The following LEPROT variants were observed in gnomAD, a reference collection of about 807,000 sequenced individuals.
LEPROT encodes leptin receptor gene-related protein.
A neutral mutation model predicts 15.4 loss-of-function variants in LEPROT; 3 were observed. The observed-to-expected ratio is 0.19, with a 90% CI of 0.09 to 0.50. LEPROT has a LOEUF of 0.50. Among genes scored for constraint, LEPROT ranks in the 20% least tolerant of loss-of-function variants. The pLI is 0.97. For synonymous variants in LEPROT, 59 were observed against 57.5 expected (o/e 1.03, Z -0.12); for missense variants, 137 against 162.2 (o/e 0.84, Z 0.84).
Position 65,435,264 on chromosome 1 carries a change from T to C in LEPROT, c.*3345T>C, listed in dbSNP as rs1246915986. 1.3e-5 allele frequency: 13 copies of C among 984,712 alleles called. No homozygotes were observed. Among genetic ancestry groups the C allele is most frequent in the African/African-American group, 1.7e-5 (1 of 57,246 alleles). 61.0% of individuals were successfully genotyped at this position (984,712 alleles called of 1,614,324 possible). On this transcript the variant is annotated 3_prime_UTR_variant, in exon 4 of 4. Coordinates refer to ENST00000371065, the MANE Select transcript of LEPROT (RefSeq NM_017526.5). The stretch of plus-strand genomic sequence containing the variant: ...CCTTACCTCTGAGGTATCTCCTCAA[T>C]GAATACTGTTTTCAAGGCTGAAATA...
chr1:65,425,182 A>G, intron 1 of LEPROT, 121 bp from the exon 2 acceptor site: 1 of 755,078 alleles, frequency 1.3e-6, no homozygotes, highest in Non-Finnish European at 2.2e-6. Context: ...ATTCCAGAAA[A>G]TTTACTCATC....
In LEPROT at chr1:65,429,660, T is replaced by C. The variant is rs939198590; in HGVS notation, c.93-202T>C. Among the ~76,000 whole-genome samples the C allele has an allele frequency of 4.6e-5, 7 of 152,206 alleles. No individual in the cohort carries two copies. The East Asian group carries it at 1.2e-3, about 25-fold the overall frequency. On this transcript the variant is annotated intron_variant, in intron 2 of 3. Transcript: ENST00000371065. ...TATATAGTGGCTTCTTAACACAATA[T>C]AAGCTACCTACATAGTAATTTTAAA... is the stretch of plus-strand genomic sequence containing the variant.
chr1:65,433,259 C>T lies in LEPROT; in HGVS notation c.*1340C>T, dbSNP rs1022787888. On this transcript the variant is annotated 3_prime_UTR_variant, in exon 4 of 4. Coordinates refer to ENST00000371065, the MANE Select transcript of LEPROT (RefSeq NM_017526.5). ...AAGAGATATAGGAGCCATGTAAGCA[C>T]GCAGTGGGTGAACTGCTTAATTTCA... 4.1e-6 allele frequency: 4 copies of T among 985,366 alleles called. No individual in the cohort carries two copies. The highest frequency in any genetic ancestry group is 4.7e-5 in the South Asian group (1 of 21,278). 61.0% of individuals were successfully genotyped at this position (985,366 alleles called of 1,614,324 possible).
At chr1:65,420,823 G>A in intron 1 of LEPROT, 83 bp downstream of exon 1, 1 of 1,502,134 alleles carries the variant, frequency 6.7e-7, no homozygotes, top group Non-Finnish European at 9.0e-7. Context: ...CGCCTTCCGC[G>A]CGCCGTTGGG....
In LEPROT at chr1:65,435,609, C is replaced by T. The variant is rs1352524381; in HGVS notation, c.*3690C>T. 19 of 767,002 alleles carry T rather than the reference C, an allele frequency of 2.5e-5. No individual in the cohort carries two copies. The highest frequency in any genetic ancestry group is 2.6e-4 in the East Asian group (2 of 7,796). The allele number at this position is 767,002 out of a possible 1,614,324, so 47.5% of individuals were successfully genotyped here. ...GTCTCGATCTCCTGACCTCATGATCCGCCCGCCTCTGCCTCCCAAAGTGCT... is the reference window on the plus strand; with the variant it reads ...GTCTCGATCTCCTGACCTCATGATCTGCCCGCCTCTGCCTCCCAAAGTGCT... On this transcript the variant is annotated 3_prime_UTR_variant, in exon 4 of 4. Coordinates refer to ENST00000371065, the MANE Select transcript of LEPROT (RefSeq NM_017526.5).
intron 1 of LEPROT, 51 bp from the exon 2 acceptor site, chr1:65,425,252 C>T: frequency 6.6e-7 from 1 of 1,521,918 alleles, no homozygotes; most frequent in Non-Finnish European, 9.1e-7. Flanking sequence ...CCCTCTAGTG[C>T]CTGACAACCT....
At chr1:65,425,506 A>G (rs555694752) in intron 2 of LEPROT, 128 bp downstream of exon 2, 1 of 677,700 alleles carries the variant, frequency 1.5e-6, no homozygotes, top group East Asian at 3.1e-5. Flanking sequence ...CCAGTTTATG[A>G]ACACAGTCCC....
In LEPROT at chr1:65,426,902, G is replaced by A. The variant is rs547821147; in HGVS notation, c.92+1524G>A. Among the ~76,000 whole-genome samples the A allele has an allele frequency of 2.6e-5, 4 of 152,296 alleles. No individual in the cohort carries two copies. In the East Asian group the frequency reaches 7.7e-4, roughly 29 times the overall value. ...ATTCCCAGCTACTTAGGAGGCTGAG[G>A]CAGGAGAATTGCTTGAACACAGGAG... On this transcript the variant is annotated intron_variant, in intron 2 of 3. Coordinates refer to ENST00000371065, the MANE Select transcript of LEPROT (RefSeq NM_017526.5).
chr1:65,435,463 G>T lies in LEPROT; in HGVS notation c.*3544G>T. On this transcript the variant is annotated 3_prime_UTR_variant, in exon 4 of 4. Transcript: ENST00000371065. ...GCTCACTGCAAGCTCCGCCTCCCGG[G>T]TTCACGCCATTCTCCTGCCTCAGCC... 2.1e-6 allele frequency: 1 copy of T among 473,672 alleles called. No individual in the cohort carries two copies. Among genetic ancestry groups the T allele is most frequent in the Non-Finnish European group, 2.7e-6 (1 of 364,360 alleles). The allele number at this position is 473,672 out of a possible 1,614,324, so 29.3% of individuals were successfully genotyped here.
In LEPROT at chr1:65,432,000, T is replaced by C; in HGVS notation, c.*81T>C. The stretch of plus-strand genomic sequence containing the variant: ...CATGTGCACATGCGGCATTTTACTA[T>C]GAAATTTAATATGCTGGGTTTTTTA... On this transcript the variant is annotated 3_prime_UTR_variant, in exon 4 of 4. Transcript: ENST00000371065. 6.7e-7 allele frequency: 1 copy of C among 1,488,104 alleles called. No homozygotes were observed. The highest frequency in any genetic ancestry group is 8.9e-7 in the Non-Finnish European group (1 of 1,121,630). 92.2% of individuals were successfully genotyped at this position (1,488,104 alleles called of 1,614,324 possible). A position where few individuals can be genotyped will look rare whatever the true frequency, so the allele number is the denominator to read the frequency against.
chr1:65,429,359 A>C (rs566655394), intron 2 of LEPROT, among the ~76,000 whole-genome samples: 17 of 152,312 alleles, frequency 1.1e-4, no homozygotes, highest in Admixed American at 3.9e-4. Context: ...CTACAGATTA[A>C]GCAAATGAAG....
At chr1:65,421,297 T>G (rs1208829474) in intron 1 of LEPROT, 1 of 1,506,752 alleles carries the variant, frequency 6.6e-7, no homozygotes, top group African/African-American at 1.4e-5. Flanking sequence ...TTAATACTGC[T>G]TTCTTCGGTG....
intron 1 of LEPROT, among the ~76,000 whole-genome samples, chr1:65,423,767 C>A (rs1646301601): frequency 6.6e-6 from 1 of 152,106 alleles, no homozygotes; most frequent in South Asian, 2.1e-4. Context: ...CAAAAATGTT[C>A]ATTGGCTTAA....
chr1:65,432,504 CT>C lies in LEPROT; in HGVS notation c.*587del. 2 of 639,698 alleles carry C rather than the reference CT, an allele frequency of 3.1e-6. No homozygotes were observed. Among genetic ancestry groups the C allele is most frequent in the Non-Finnish European group, 3.9e-6 (2 of 514,502 alleles). 39.6% of individuals were successfully genotyped at this position (639,698 alleles called of 1,614,324 possible). A position where few individuals can be genotyped will look rare whatever the true frequency, so the allele number is the denominator to read the frequency against. On this transcript the variant is annotated 3_prime_UTR_variant, in exon 4 of 4. Transcript: ENST00000371065. ...ATAGAGAAGTAAACATCACACCCAA[CT>C]TCCTTATCTTTCCAGTGGCTAAACC...
At chr1:65,427,313 C>T (rs1225270134) in intron 2 of LEPROT, among the ~76,000 whole-genome samples, 1 of 152,174 alleles carries the variant, frequency 6.6e-6, no homozygotes, top group East Asian at 1.9e-4. Context: ...GTGGCTCATG[C>T]CTATAATCCC....
At chr1:65,427,377 C>T (rs1462991851) in intron 2 of LEPROT, among the ~76,000 whole-genome samples, 2 of 152,048 alleles carry the variant, frequency 1.3e-5, no homozygotes, top group Non-Finnish European at 2.9e-5. Context: ...AGTTTGAGAC[C>T]AGTCTGGGCA....
rs752982917 is a variant in LEPROT at position 65,429,862 on chromosome 1, C to T, written c.93C>T (p.Gly31=). ...GATTTTGCCTGGGTCCAACTGACAG[C>T]GTTTACTGGCCCTTATTCGTCCTGA... ...LMLGCALEDY[G]VYWPLFVLIF... The change falls in exon 3 of 4, where the codon GGC becomes GGT. Residue 31 remains glycine (G), a splice_region_variant and synonymous_variant. Coordinates refer to ENST00000371065, the MANE Select transcript of LEPROT (RefSeq NM_017526.5). 3 of 1,465,736 alleles carry T rather than the reference C, an allele frequency of 2.0e-6. No homozygotes were observed. Among genetic ancestry groups the T allele is most frequent in the Non-Finnish European group, 2.7e-6 (3 of 1,091,094 alleles). 90.8% of individuals were successfully genotyped at this position (1,465,736 alleles called of 1,614,324 possible).
chr1:65,433,051 G>C lies in LEPROT; in HGVS notation c.*1132G>C. 10 of 985,280 alleles carry C rather than the reference G, an allele frequency of 1.0e-5. No homozygotes were observed. The highest frequency in any genetic ancestry group is 1.2e-5 in the Non-Finnish European group (10 of 829,902). 61.0% of individuals were successfully genotyped at this position (985,280 alleles called of 1,614,324 possible). The stretch of plus-strand genomic sequence containing the variant: ...TGGGGGAAGAGCTCCACTGAGATGC[G>C]GGCAGGGAGGCTGGGCTCGAGCCAG... On this transcript the variant is annotated 3_prime_UTR_variant, in exon 4 of 4. Transcript: ENST00000371065.
intron 1 of LEPROT, among the ~76,000 whole-genome samples, chr1:65,423,044 A>G (rs1646283837): frequency 6.6e-6 from 1 of 152,194 alleles, no homozygotes; most frequent in African/African-American, 2.4e-5. Context: ...GGAAGGTGGA[A>G]TGCAATCATG....
Sources: gnomAD v4.1 joint callset for allele counts (sites outside exome capture counted in the v4.1 genomes callset) on GRCh38, gnomAD v4.1.1 for gene constraint, MANE v1.5 for transcripts, NCBI Gene and HGNC (gene_info 2026-07-23, HGNC 2026-07-21) for gene names.